Variants in GRIK1 observed in about 807,000 individuals in gnomAD.
GRIK1 encodes the protein glutamate ionotropic receptor kainate type subunit 1.
In GRIK1, 69 loss-of-function variants were observed where a neutral mutation model predicts 105.7. The observed-to-expected ratio is 0.65, with a 90% CI of 0.54 to 0.80. The LOEUF (loss-of-function observed/expected upper bound fraction) is 0.80. Among genes scored for constraint, GRIK1 ranks in the 30% least tolerant of loss-of-function variants. The pLI is 0.00. For missense variants in GRIK1, 1,109 were observed against 1,167.3 expected (o/e 0.95, Z 0.73); for synonymous variants, 438 against 431.3 (o/e 1.02, Z -0.19).
At chr21:29,563,825 G>T (rs569856832) in intron 14 of GRIK1, among the ~76,000 whole-genome samples, 7 of 152,316 alleles carry the variant, frequency 4.6e-5, no homozygotes, top group African/African-American at 1.7e-4. Flanking sequence ...GGAAGTTTTA[G>T]TACGGAAGGC....
intron 1 of GRIK1, among the ~76,000 whole-genome samples, chr21:29,937,573 C>G (rs1314781131): frequency 1.3e-5 from 2 of 152,160 alleles, no homozygotes; most frequent in Non-Finnish European, 2.9e-5. Flanking sequence ...ATCCTTTTCC[C>G]TTCTCCTCCT....
chr21:29,600,856 A>G (rs1021589022), intron 7 of GRIK1, among the ~76,000 whole-genome samples: 1 of 152,146 alleles, frequency 6.6e-6, no homozygotes, highest in Non-Finnish European at 1.5e-5. Context: ...GCTGTATTTC[A>G]TTTTACAAAT....
At chr21:29,636,979 A>G (rs1424657935) in intron 7 of GRIK1, among the ~76,000 whole-genome samples, 1 of 152,168 alleles carries the variant, frequency 6.6e-6, no homozygotes, top group African/African-American at 2.4e-5. Flanking sequence ...TGCTTCATTT[A>G]TACATTTGCC....
chr21:29,666,420 A>G (rs1462657483), intron 4 of GRIK1, among the ~76,000 whole-genome samples: 2 of 152,190 alleles, frequency 1.3e-5, no homozygotes, highest in South Asian at 4.1e-4. Context: ...AATAATAAAT[A>G]AATAAAGTTT....
At chr21:29,769,788 AC>A (rs1323017479) in intron 1 of GRIK1, among the ~76,000 whole-genome samples, 1 of 152,134 alleles carries the variant, frequency 6.6e-6, no homozygotes, top group Non-Finnish European at 1.5e-5. Flanking sequence ...ATTCTCCCTT[AC>A]GGCCCTCAGG....
intron 1 of GRIK1, among the ~76,000 whole-genome samples, chr21:29,898,227 A>C (rs1177903632): frequency 6.6e-6 from 1 of 152,224 alleles, no homozygotes; most frequent in African/African-American, 2.4e-5. Context: ...TACCAGCTGC[A>C]AACAGCAGAA....
At chr21:29,854,512 A>T (rs550154593) in intron 1 of GRIK1, among the ~76,000 whole-genome samples, 4 of 152,242 alleles carry the variant, frequency 2.6e-5, no homozygotes, top group African/African-American at 9.6e-5. Context: ...ATAATGAGAA[A>T]AAAAAACAAG....
intron 12 of GRIK1, among the ~76,000 whole-genome samples, chr21:29,583,323 C>T (rs1347325175): frequency 1.3e-5 from 2 of 152,120 alleles, no homozygotes; most frequent in African/African-American, 4.8e-5. Flanking sequence ...ATTAATGAAC[C>T]TATTAATGGA....
At chr21:29,780,364 C>T (rs1018200840) in intron 1 of GRIK1, among the ~76,000 whole-genome samples, 1 of 152,042 alleles carries the variant, frequency 6.6e-6, no homozygotes, top group Non-Finnish European at 1.5e-5. Context: ...TTTGTAATAA[C>T]ATTATTGGAA....
chr21:29,672,850 A>G lies in GRIK1; in HGVS notation c.726+133T>C, dbSNP rs376205439. The G allele has an allele frequency of 3.8e-4, 259 of 687,508 alleles. No homozygotes were observed. In the African/African-American group the frequency reaches 3.9e-3, roughly 10 times the overall value. The allele number at this position is 687,508 out of a possible 1,614,324, so 42.6% of individuals were successfully genotyped here. The stretch of plus-strand genomic sequence containing the variant: ...CCTTGCCTGTTTAAAAGGGCTCTGA[A>G]AATTATAATCTTTAGCATAAACGGG... On this transcript the variant is annotated intron_variant, in intron 4 of 17. Transcript: ENST00000327783.
At chr21:29,799,305 A>G (rs986453937) in intron 1 of GRIK1, among the ~76,000 whole-genome samples, 2 of 152,200 alleles carry the variant, frequency 1.3e-5, no homozygotes, top group African/African-American at 4.8e-5. Context: ...ACCATATGTA[A>G]AACCACATGG....
intron 15 of GRIK1, among the ~76,000 whole-genome samples, chr21:29,560,582 T>TCTCTCTCTCTCTCTC (rs1568815992): frequency 4.3e-5 from 5 of 116,486 alleles, no homozygotes; most frequent in African/African-American, 1.8e-4. Context: ...CTTTCTCTCT[T>TCTCTCTCTCTCTCTC]TCTTTCTTTC....
At chr21:29,793,761 T>G (rs1175755706) in intron 1 of GRIK1, among the ~76,000 whole-genome samples, 1 of 152,198 alleles carries the variant, frequency 6.6e-6, no homozygotes, top group Non-Finnish European at 1.5e-5. Flanking sequence ...ATAAATACAT[T>G]AAATAAAGGC....
chr21:29,734,317 C>G (rs1312159458), intron 1 of GRIK1, among the ~76,000 whole-genome samples: 2 of 151,970 alleles, frequency 1.3e-5, no homozygotes, highest in Non-Finnish European at 2.9e-5. Flanking sequence ...ACAGAGTGAT[C>G]CTTTTAATGG....
At chr21:29,870,681 G>A (rs780851037) in intron 1 of GRIK1, among the ~76,000 whole-genome samples, 3 of 151,978 alleles carry the variant, frequency 2.0e-5, no homozygotes, top group Admixed American at 6.6e-5. Context: ...ATAGACCATC[G>A]TTTGTCTATT....
intron 3 of GRIK1, among the ~76,000 whole-genome samples, chr21:29,684,878 T>A (rs2063459040): frequency 6.6e-6 from 1 of 152,236 alleles, no homozygotes; most frequent in South Asian, 2.1e-4. Flanking sequence ...ATCATGTATC[T>A]GTCCTCTATT....
chr21:29,790,129 G>A (rs1043770065), intron 1 of GRIK1, among the ~76,000 whole-genome samples: 2 of 151,888 alleles, frequency 1.3e-5, no homozygotes, highest in East Asian at 1.9e-4. Flanking sequence ...GGCTCACTTC[G>A]AACTCCACCT....
chr21:29,592,217 C>T (rs566898424), intron 9 of GRIK1, among the ~76,000 whole-genome samples: 26 of 152,304 alleles, frequency 1.7e-4, no homozygotes, highest in African/African-American at 5.5e-4. Context: ...GTCACAGCAG[C>T]TAGCGTCTTC....
chr21:29,928,904 C>T (rs1042024738), intron 1 of GRIK1, among the ~76,000 whole-genome samples: 1 of 152,142 alleles, frequency 6.6e-6, no homozygotes, highest in Non-Finnish European at 1.5e-5. Context: ...AAATAATTTA[C>T]ATTTGAAATA....
Sources: allele counts gnomAD v4.1 joint callset (sites outside exome capture counted in the v4.1 genomes callset), GRCh38; gene constraint gnomAD v4.1.1; transcripts MANE v1.5; gene names NCBI Gene and HGNC (gene_info 2026-07-23, HGNC 2026-07-21).